TMC2: variants seen among roughly 807,000 people sequenced by gnomAD.
The protein encoded by TMC2 is transmembrane channel like 2.
In TMC2, 102 loss-of-function variants were observed where a neutral mutation model predicts 105.9. The ratio of observed to expected loss-of-function variants is 0.96; its 90% confidence interval spans 0.82 to 1.14. TMC2 has a LOEUF of 1.14. TMC2 is among the 50% of genes most tolerant of loss of function. The pLI, the probability that TMC2 is intolerant of heterozygous loss-of-function variation, is 0.00. For synonymous variants in TMC2, 402 were observed against 422.8 expected (o/e 0.95, Z 0.60); for missense variants, 1,093 against 1,134.3 (o/e 0.96, Z 0.52).
chr20:2,583,243 T>C (rs772345389), intron 7 of TMC2, among the ~76,000 whole-genome samples: 2 of 152,224 alleles, frequency 1.3e-5, no homozygotes, highest in Admixed American at 6.5e-5. Flanking sequence ...GACTTGCTTT[T>C]AACAAATAGA....
At chr20:2,593,875 C>A (rs373901603) in intron 8 of TMC2, among the ~76,000 whole-genome samples, 3 of 152,182 alleles carry the variant, frequency 2.0e-5, no homozygotes, top group African/African-American at 7.2e-5. Context: ...AGGAACTGTT[C>A]ATGACCTGGC....
At chr20:2,550,763 C>T (rs753287140) in intron 2 of TMC2, among the ~76,000 whole-genome samples, 1 of 152,206 alleles carries the variant, frequency 6.6e-6, no homozygotes, top group Admixed American at 6.5e-5. Flanking sequence ...ATATTGCCTT[C>T]TTTCACTTAG....
intron 5 of TMC2, among the ~76,000 whole-genome samples, chr20:2,573,761 C>T (rs922184027): frequency 9.3e-5 from 14 of 151,018 alleles, no homozygotes; most frequent in South Asian, 4.2e-4. Flanking sequence ...GGGGTTTCAC[C>T]GTGTTAGCCA....
In TMC2 at chr20:2,558,792, TTCTGGGCATTCGCTCCGCGCGC is replaced by T. The variant is rs1374920128; in HGVS notation, c.401+21_401+42del. ...AAACCCAGGTGTGTTGTGGCTCCGA[TTCTGGGCATTCGCTCCGCGCGC>T]TCCCGCTCCTTCGCGGCCCTTCCCC... is the stretch of plus-strand genomic sequence containing the variant. On this transcript the variant is annotated intron_variant, in intron 3 of 19. Transcript: ENST00000358864. This position sits in a 1 kb window ranked among gnomAD's most constrained non-coding sequence, Gnocchi z 4.6. The T allele has an allele frequency of 1.3e-6, 2 of 1,514,100 alleles. No homozygotes were observed. Among genetic ancestry groups the T allele is most frequent in the Admixed American group, 4.5e-5 (2 of 44,616 alleles). The allele number at this position is 1,514,100 out of a possible 1,614,324, so 93.8% of individuals were successfully genotyped here.
In TMC2 at chr20:2,584,361, G is replaced by A. The variant is rs1402768195; in HGVS notation, c.834+4305G>A. On this transcript the variant is annotated intron_variant, in intron 7 of 19. Coordinates refer to ENST00000358864, the MANE Select transcript of TMC2 (RefSeq NM_080751.3). ...TGGGAGGCTGAGGCAGGAGAATGGC[G>A]TGAACCCGGGAGGCGGAGCTTGCAG... Among the ~76,000 whole-genome samples the A allele has an allele frequency of 4.2e-5, 6 of 142,068 alleles. 1 individual carries two copies. Among genetic ancestry groups the A allele is most frequent in the Non-Finnish European group, 9.0e-5 (6 of 66,846 alleles). 93.2% of individuals were successfully genotyped at this position (142,068 alleles called of 152,430 possible). A position where few individuals can be genotyped will look rare whatever the true frequency, so the allele number is the denominator to read the frequency against.
rs543266298 is a variant in TMC2, at chr20:2,556,630, C to G, written c.83-1826C>G. On this transcript the variant is annotated intron_variant, in intron 2 of 19. Coordinates refer to ENST00000358864, the MANE Select transcript of TMC2 (RefSeq NM_080751.3). ...TAAAAAAAAATTGTTTTTTAATTAG[C>G]TGGGAGGCTGAGGCAGGAGGATCAC... Among the ~76,000 whole-genome samples, 6 of 152,204 alleles carry G rather than the reference C, an allele frequency of 3.9e-5. No homozygotes were observed. In the South Asian group the frequency reaches 1.2e-3, roughly 32 times the overall value.
Position 2,602,470 on chromosome 20 carries a change from C to T in TMC2, c.1413+169C>T, listed in dbSNP as rs568895919. Among the ~76,000 whole-genome samples the T allele has an allele frequency of 4.6e-5, 7 of 152,308 alleles. No homozygotes were observed. The South Asian group carries it at 1.4e-3, about 32-fold the overall frequency. On this transcript the variant is annotated intron_variant, in intron 11 of 19. Transcript: ENST00000358864. ...CATGAATATCCTGAAGAAAAAGTCA[C>T]CTATTATTAGGTTTTGGGAACTGGC...
chr20:2,624,247 T>C (rs2086547949), intron 16 of TMC2, 24 bp from the exon 17 acceptor site: 1 of 1,611,440 alleles, frequency 6.2e-7, no homozygotes. Flanking sequence ...CAGCATGTTA[T>C]ATTGTGTCCT....
At chr20:2,593,960 G>A (rs555457790) in intron 8 of TMC2, among the ~76,000 whole-genome samples, 3 of 152,112 alleles carry the variant, frequency 2.0e-5, no homozygotes, top group Non-Finnish European at 2.9e-5. Context: ...GTCCCTGCAC[G>A]CATCACACAC....
At chr20:2,612,375 G>A in intron 13 of TMC2, 35 bp downstream of exon 13, 1 of 1,473,096 alleles carries the variant, frequency 6.8e-7, no homozygotes, top group East Asian at 2.4e-5. Context: ...GGTGACCCCT[G>A]TTCTCAGTTC....
chr20:2,582,062 A>G (rs2325891), intron 7 of TMC2, among the ~76,000 whole-genome samples: 79,322 of 151,780 alleles, frequency 0.52, 20,867 homozygotes, highest in South Asian at 0.57. Flanking sequence ...GGGAGAAGGG[A>G]AGAGGCTTAG....
At chr20:2,618,506 A>ACGTGC (rs1323853966) in intron 16 of TMC2, 26 of 152,314 alleles carry the variant, frequency 1.7e-4, no homozygotes, top group African/African-American at 6.0e-4. Flanking sequence ...ATACACTTAC[A>ACGTGC]CGTGCCGTTT....
chr20:2,624,064 T>G (rs1455101752), intron 16 of TMC2, among the ~76,000 whole-genome samples: 1 of 152,232 alleles, frequency 6.6e-6, no homozygotes, highest in Non-Finnish European at 1.5e-5. Context: ...CGGTGAGCCG[T>G]GTGCCGACCC....
chr20:2,610,460 T>C lies in TMC2; in HGVS notation c.1455T>C (p.Pro485=). 6.2e-7 allele frequency: 1 copy of C among 1,613,206 alleles called. No individual in the cohort carries two copies. Among genetic ancestry groups the C allele is most frequent in the Non-Finnish European group, 8.5e-7 (1 of 1,179,542 alleles). Residue 485 remains proline (P), a synonymous_variant, in exon 12 of 20, where the codon CCT becomes CCC. Coordinates refer to ENST00000358864, the MANE Select transcript of TMC2 (RefSeq NM_080751.3). ...CCCTGCTTGGAATGTTTTGTCCCCC[T>C]CTGTTTGAAACCATCGCTGCCCTGG... ...VMSLLGMFCP[P]LFETIAALEN...
At chr20:2,567,707 A>C (rs1211715609) in intron 4 of TMC2, among the ~76,000 whole-genome samples, 2 of 152,196 alleles carry the variant, frequency 1.3e-5, no homozygotes, top group Non-Finnish European at 1.5e-5. Flanking sequence ...CAAAGGTTTT[A>C]AAGCAACCAT....
intron 16 of TMC2, 79 bp from the exon 17 acceptor site, chr20:2,624,192 G>A (rs1178820822): frequency 2.7e-6 from 4 of 1,492,334 alleles, no homozygotes; most frequent in East Asian, 2.4e-5. Flanking sequence ...CCTGGACCTG[G>A]GTAGGGGGGC....
chr20:2,612,701 A>C (rs2086450283), intron 13 of TMC2, among the ~76,000 whole-genome samples: 1 of 152,140 alleles, frequency 6.6e-6, no homozygotes, highest in Non-Finnish European at 1.5e-5. Flanking sequence ...ATATATCAAA[A>C]AAAAGAAAAA....
intron 5 of TMC2, among the ~76,000 whole-genome samples, chr20:2,577,686 G>A (rs1046602789): frequency 2.6e-5 from 4 of 152,088 alleles, no homozygotes; most frequent in South Asian, 2.1e-4. Flanking sequence ...CTGAAAGCAG[G>A]CGGATCACTT....
chr20:2,630,728 G>C (rs2086597168), intron 17 of TMC2, among the ~76,000 whole-genome samples: 1 of 152,182 alleles, frequency 6.6e-6, no homozygotes, highest in Admixed American at 6.6e-5. Context: ...GGCGACAAAG[G>C]TGGAGGATTG....
Sources: gnomAD v4.1 joint callset for allele counts (sites outside exome capture counted in the v4.1 genomes callset) on GRCh38, gnomAD v4.1.1 for gene constraint, Gnocchi (gnomAD v3.1) non-coding constraint, MANE v1.5 for transcripts, NCBI Gene and HGNC (gene_info 2026-07-23, HGNC 2026-07-21) for gene names.